The following CHL1 variants were observed in gnomAD, a reference collection of about 807,000 sequenced individuals.
CHL1 encodes neural cell adhesion molecule L1-like protein.
A neutral mutation model predicts 141.9 loss-of-function variants in CHL1; 96 were observed. The observed-to-expected ratio is 0.68, with a 90% CI of 0.57 to 0.80. CHL1 has a LOEUF of 0.80. CHL1 is among the 30% of genes least tolerant of loss of function. The probability of loss-of-function intolerance (pLI) is 0.00; values close to 1 mark genes in which losing one functional copy is unlikely to be tolerated. For synonymous variants in CHL1, 613 were observed against 502.2 expected, an observed-to-expected ratio of 1.22 and a Z score of -2.95; for missense variants, 1,820 against 1,457.2, an observed-to-expected ratio of 1.25 and a Z score of -4.05.
intron 1 of CHL1, among the ~76,000 whole-genome samples, chr3:239,596 A>T (rs984435292): frequency 5.5e-5 from 2 of 36,350 alleles, no homozygotes; most frequent in Admixed American, 8.1e-4. Context: ...TATATATATA[A>T]AATATATATA....
chr3:218,793 T>C (rs989081953), intron 1 of CHL1, among the ~76,000 whole-genome samples: 2 of 152,138 alleles, frequency 1.3e-5, no homozygotes, highest in Non-Finnish European at 2.9e-5. Flanking sequence ...ACACGTTTCA[T>C]GCAAATCAAA....
In CHL1 at chr3:383,839, A is replaced by G. The variant is rs746397627; in HGVS notation, c.2200A>G (p.Ile734Val). The change falls in exon 19 of 28, where the codon ATA becomes GTA. Residue 734 changes from isoleucine (I) to valine (V), a missense_variant. Coordinates refer to ENST00000256509, the MANE Select transcript of CHL1 (RefSeq NM_006614.4). ...AGCTCCAGATAGGAATCCACAAAAC[A>G]TAAGGGTTCAAGCCTCTCAACCCAA... ...PAAPDRNPQNIRVQASQPKEM... is the reference protein window; with the variant it reads ...PAAPDRNPQNVRVQASQPKEM... The G allele has an allele frequency of 6.2e-7, 1 of 1,610,802 alleles. No individual in the cohort carries two copies. Among genetic ancestry groups the G allele is most frequent in the Non-Finnish European group, 8.5e-7 (1 of 1,178,206 alleles).
intron 2 of CHL1, among the ~76,000 whole-genome samples, chr3:287,990 A>G (rs190462214): frequency 1.8e-4 from 28 of 152,090 alleles, no homozygotes; most frequent in Admixed American, 5.2e-4. Context: ...CTGGTCTCAA[A>G]CTCCTGACCT....
chr3:251,987 G>A (rs73092530), intron 2 of CHL1, among the ~76,000 whole-genome samples: 196 of 151,996 alleles, frequency 1.3e-3, no homozygotes, highest in African/African-American at 4.4e-3. Flanking sequence ...GTTGGAAATC[G>A]AAATCCAAGG....
intron 15 of CHL1, chr3:376,556 G>C (rs774049363): frequency 2.8e-6 from 1 of 362,894 alleles, no homozygotes; most frequent in African/African-American, 2.2e-5. Flanking sequence ...CAAAAAAATT[G>C]GTAGCTTTCT....
intron 26 of CHL1, among the ~76,000 whole-genome samples, chr3:399,957 A>C (rs1206728164): frequency 6.6e-6 from 1 of 152,236 alleles, no homozygotes; most frequent in Non-Finnish European, 1.5e-5. Context: ...TTAATGATAC[A>C]TAAGATATAC....
At chr3:390,285 A>G (rs1045942808) in intron 20 of CHL1, among the ~76,000 whole-genome samples, 1 of 152,248 alleles carries the variant, frequency 6.6e-6, no homozygotes, top group African/African-American at 2.4e-5. Context: ...ACAGGGTTGT[A>G]TGAACCAATT....
chr3:273,369 A>G (rs912945408), intron 2 of CHL1, among the ~76,000 whole-genome samples: 45 of 152,266 alleles, frequency 3.0e-4, no homozygotes, highest in African/African-American at 1.0e-3. Context: ...ACCTGAATCA[A>G]TATGTTTTAG....
Position 354,820 on chromosome 3 carries a change from C to T in CHL1, c.1165+49C>T, listed in dbSNP as rs781332065. On this transcript the variant is annotated intron_variant, in intron 11 of 27. Transcript: ENST00000256509. ...TGCAATGCTGAAGGCCCTGGTTTGA[C>T]GGGATTAATGATGGTCAGACGTGTG... The T allele has an allele frequency of 5.0e-6, 8 of 1,604,434 alleles. No homozygotes were observed. The Admixed American group carries it at 5.0e-5, about 10-fold the overall frequency.
intron 15 of CHL1, among the ~76,000 whole-genome samples, chr3:367,566 T>G (rs1705064083): frequency 6.6e-6 from 1 of 152,248 alleles, no homozygotes; most frequent in Admixed American, 6.5e-5. Flanking sequence ...ACAGAGCACT[T>G]AGAAAATACC....
chr3:260,394 G>T (rs1225205527), intron 2 of CHL1, among the ~76,000 whole-genome samples: 1 of 152,176 alleles, frequency 6.6e-6, no homozygotes, highest in African/African-American at 2.4e-5. Context: ...TAAGTCAACT[G>T]CATATTACTG....
rs1400912758 is a variant in CHL1, at chr3:255,578, T to A, written c.-95+10886T>A. Among the ~76,000 whole-genome samples, 4 of 152,080 alleles carry A rather than the reference T, an allele frequency of 2.6e-5. No homozygotes were observed. The East Asian group carries it at 7.7e-4, about 29-fold the overall frequency. ...GGGAAAAAGTCTAAATACTAAGCAT[T>A]TTTATTCTATTTTGGGCAAGTATCT... On this transcript the variant is annotated intron_variant, in intron 2 of 27. Coordinates refer to ENST00000256509, the MANE Select transcript of CHL1 (RefSeq NM_006614.4).
In CHL1 at chr3:301,706, G is replaced by A. The variant is rs571800018; in HGVS notation, c.-94-17977G>A. Among the ~76,000 whole-genome samples, 44 of 152,264 alleles carry A rather than the reference G, an allele frequency of 2.9e-4. No individual in the cohort carries two copies. The South Asian group carries it at 7.7e-3, about 27-fold the overall frequency. ...AGTTACATTGTGCAATTACTACATG[G>A]AAATTACTTGCTGTCTTGTAGTCTT... On this transcript the variant is annotated intron_variant, in intron 2 of 27. Transcript: ENST00000256509.
At chr3:384,188 C>G in intron 19 of CHL1, 1 of 187,778 alleles carries the variant, frequency 5.3e-6, no homozygotes, top group East Asian at 1.2e-4. Flanking sequence ...GATTCTCTTC[C>G]ATTCAAAAAA....
At chr3:250,407 G>A (rs982827274) in intron 2 of CHL1, among the ~76,000 whole-genome samples, 2 of 152,118 alleles carry the variant, frequency 1.3e-5, no homozygotes, top group African/African-American at 4.8e-5. Context: ...AGAGATTTAG[G>A]CTTCTAGGAG....
intron 1 of CHL1, among the ~76,000 whole-genome samples, chr3:231,575 CTTT>C (rs5845954): frequency 9.0e-5 from 9 of 100,548 alleles, no homozygotes; most frequent in Admixed American, 1.3e-4. Context: ...TTATTTCTTC[CTTT>C]TTTTTTTTTT....
At chr3:387,075 G>A (rs978439245) in intron 19 of CHL1, among the ~76,000 whole-genome samples, 1 of 152,160 alleles carries the variant, frequency 6.6e-6, no homozygotes, top group Non-Finnish European at 1.5e-5. Context: ...AATCAAGGCA[G>A]GACGGCAGTC....
In CHL1 at chr3:235,339, C is replaced by A. The variant is rs180745029; in HGVS notation, c.-174-9274C>A. ...TTAGGCAATATGTAACTTCTTCATG[C>A]CTTAGTTTGGTCATTGTTAAATGAA... On this transcript the variant is annotated intron_variant, in intron 1 of 27. Transcript: ENST00000256509. Among the ~76,000 whole-genome samples the A allele has an allele frequency of 1.9e-3, 295 of 151,970 alleles. 3 individuals are homozygous for A. The highest frequency in any genetic ancestry group is 6.7e-3 in the African/African-American group (279 of 41,436).
At chr3:352,342 T>A (rs1309015628) in intron 10 of CHL1, among the ~76,000 whole-genome samples, 1 of 152,186 alleles carries the variant, frequency 6.6e-6, no homozygotes, top group Non-Finnish European at 1.5e-5. Flanking sequence ...GTATGTTCTA[T>A]AGGTACCAAG....
Sources: gnomAD v4.1 joint callset for allele counts (sites outside exome capture counted in the v4.1 genomes callset) on GRCh38, gnomAD v4.1.1 for gene constraint, MANE v1.5 for transcripts, NCBI Gene and HGNC (gene_info 2026-07-23, HGNC 2026-07-21) for gene names.